Variants in TTC28 observed in about 807,000 individuals in gnomAD.
TTC28 encodes tetratricopeptide repeat protein 28.
Under a neutral mutation model 198.0 loss-of-function variants are expected in TTC28, and 61 were observed. The ratio of observed to expected loss-of-function variants is 0.31; its 90% confidence interval spans 0.25 to 0.38. TTC28 has a LOEUF of 0.38. Ranked by LOEUF, TTC28 falls within the 10% of genes least tolerant of loss-of-function variation. TTC28 has a pLI of 1.00. For missense variants in TTC28, 2,678 were observed against 3,164.0 expected, an observed-to-expected ratio of 0.85 and a Z score of 3.69; for synonymous variants, 1,171 against 1,297.8, an observed-to-expected ratio of 0.90 and a Z score of 2.10.
intron 2 of TTC28, among the ~76,000 whole-genome samples, chr22:28,350,180 T>A (rs1004877747): frequency 2.0e-5 from 3 of 152,234 alleles, no homozygotes; most frequent in Non-Finnish European, 4.4e-5. Flanking sequence ...AGAGCAGTAC[T>A]GAAGAGGCAA....
At chr22:28,057,586 T>C (rs1179892174) in intron 12 of TTC28, among the ~76,000 whole-genome samples, 1 of 152,170 alleles carries the variant, frequency 6.6e-6, no homozygotes, top group Non-Finnish European at 1.5e-5. Flanking sequence ...ATGATGTATT[T>C]TGATGAGCGT....
At chr22:28,245,712 G>A (rs1330848503) in intron 5 of TTC28, among the ~76,000 whole-genome samples, 1 of 152,156 alleles carries the variant, frequency 6.6e-6, no homozygotes, top group East Asian at 1.9e-4. Context: ...TGTCTTTAAT[G>A]TTGGATCAAG....
intron 2 of TTC28, among the ~76,000 whole-genome samples, chr22:28,359,295 G>GA (rs1213615165): frequency 6.6e-6 from 1 of 151,964 alleles, no homozygotes; most frequent in Non-Finnish European, 1.5e-5. Flanking sequence ...AATCATATCA[G>GA]AAGAAAAAAA....
intron 14 of TTC28, among the ~76,000 whole-genome samples, chr22:28,008,766 G>A (rs116387579): frequency 6.6e-6 from 1 of 152,162 alleles, no homozygotes; most frequent in Admixed American, 6.5e-5. Flanking sequence ...GGTGATTTGG[G>A]ATCTGAGTGG....
At chr22:28,040,034 C>T (rs1025334422) in intron 12 of TTC28, among the ~76,000 whole-genome samples, 9 of 152,066 alleles carry the variant, frequency 5.9e-5, no homozygotes, top group Non-Finnish European at 1.2e-4. Context: ...AAGACTAAAC[C>T]AGGAAGAAGT....
rs199623868 is a variant in TTC28 at position 28,107,625 on chromosome 22, T to C, written c.2220A>G (p.Gln740=). Residue 740 remains glutamine (Q), a synonymous_variant, in exon 7 of 23, where the codon CAA becomes CAG. Coordinates refer to ENST00000397906, the MANE Select transcript of TTC28 (RefSeq NM_001145418.2). ...INGAIKFYEQ[Q]LGLAHQVKDR... ...CCTTTACCTGGTGAGCTAAGCCCAG[T>C]TGCTGCTCATAGAATTTTATTGCAC... 3.2e-5 allele frequency: 50 copies of C among 1,551,666 alleles called. No homozygotes were observed. The highest frequency in any genetic ancestry group is 4.1e-5 in the Non-Finnish European group (47 of 1,147,012).
chr22:28,367,616 T>C (rs2046268941), intron 2 of TTC28, among the ~76,000 whole-genome samples: 1 of 151,474 alleles, frequency 6.6e-6, no homozygotes, highest in Non-Finnish European at 1.5e-5. Flanking sequence ...AAAAATACAA[T>C]CAATGAAACA....
At chr22:28,158,821 C>T (rs1428519333) in intron 6 of TTC28, among the ~76,000 whole-genome samples, 1 of 152,172 alleles carries the variant, frequency 6.6e-6, no homozygotes, top group African/African-American at 2.4e-5. Context: ...TATAAGAAAA[C>T]ATTGGAGAAA....
chr22:28,642,447 A>AT (rs1474355464), intron 1 of TTC28, among the ~76,000 whole-genome samples: 2 of 151,204 alleles, frequency 1.3e-5, no homozygotes, highest in Non-Finnish European at 3.0e-5. Flanking sequence ...AAAAAAAACA[A>AT]CAAAAAAAAA....
intron 2 of TTC28, among the ~76,000 whole-genome samples, chr22:28,316,146 G>T (rs1601618858): frequency 6.6e-6 from 1 of 152,130 alleles, no homozygotes; most frequent in East Asian, 1.9e-4. Flanking sequence ...TTGCAGGTGT[G>T]TTTGGGCAAG....
chr22:28,065,192 T>C (rs1354436057), intron 12 of TTC28, among the ~76,000 whole-genome samples: 1 of 152,152 alleles, frequency 6.6e-6, no homozygotes, highest in African/African-American at 2.4e-5. Flanking sequence ...TCAGTGATTA[T>C]GGACACACGT....
chr22:28,262,720 G>A (rs2090619926), intron 5 of TTC28, among the ~76,000 whole-genome samples: 1 of 152,158 alleles, frequency 6.6e-6, no homozygotes, highest in Non-Finnish European at 1.5e-5. Context: ...TCCCCAAGGA[G>A]CTGTGACTGA....
chr22:28,151,280 A>C (rs963799596), intron 6 of TTC28, among the ~76,000 whole-genome samples: 2 of 152,206 alleles, frequency 1.3e-5, no homozygotes, highest in African/African-American at 4.8e-5. Flanking sequence ...AGCATCTACA[A>C]ATGAACCAAG....
At chr22:28,234,203 G>A (rs1601513065) in intron 5 of TTC28, among the ~76,000 whole-genome samples, 1 of 151,878 alleles carries the variant, frequency 6.6e-6, no homozygotes, top group East Asian at 1.9e-4. Context: ...ACCGCACCTG[G>A]CCAAATTTTT....
intron 2 of TTC28, among the ~76,000 whole-genome samples, chr22:28,329,228 C>T (rs1278219243): frequency 1.3e-5 from 2 of 151,966 alleles, no homozygotes; most frequent in Non-Finnish European, 2.9e-5. Context: ...TATATATATA[C>T]ATACAGAGTA....
chr22:28,491,793 A>G (rs1031183846), intron 2 of TTC28, among the ~76,000 whole-genome samples: 4 of 152,170 alleles, frequency 2.6e-5, no homozygotes, highest in African/African-American at 4.8e-5. Flanking sequence ...TCATGCTACT[A>G]TAAAGACACA....
At chr22:28,350,638 C>T (rs182942147) in intron 2 of TTC28, among the ~76,000 whole-genome samples, 3 of 152,178 alleles carry the variant, frequency 2.0e-5, no homozygotes, top group Non-Finnish European at 4.4e-5. Context: ...AAGGGATCCA[C>T]GGCATGCACG....
intron 2 of TTC28, among the ~76,000 whole-genome samples, chr22:28,560,189 A>G (rs1443325497): frequency 2.0e-5 from 3 of 152,162 alleles, no homozygotes; most frequent in African/African-American, 7.2e-5. Context: ...ATCCTACTTG[A>G]TGCTATCTGG....
intron 2 of TTC28, among the ~76,000 whole-genome samples, chr22:28,316,937 AAATTT>A (rs1296222167): frequency 1.3e-5 from 2 of 151,832 alleles, no homozygotes; most frequent in Admixed American, 1.3e-4. Flanking sequence ...TGGCTAACTT[AAATTT>A]TTTTCTTTTT....
Sources: gnomAD v4.1 joint callset for allele counts (sites outside exome capture counted in the v4.1 genomes callset) on GRCh38, gnomAD v4.1.1 for gene constraint, MANE v1.5 for transcripts, NCBI Gene and HGNC (gene_info 2026-07-23, HGNC 2026-07-21) for gene names.